Variants in DOCK4 observed in about 807,000 individuals in gnomAD.
DOCK4 encodes the protein dedicator of cytokinesis 4, also known as dedicator of cytokinesis protein 4.
In DOCK4, 97 loss-of-function variants were observed where a neutral mutation model predicts 268.1. That is an observed-to-expected ratio of 0.36 (90% CI 0.31 to 0.43). The LOEUF is 0.43. DOCK4 is among the 20% of genes least tolerant of loss of function. The pLI is 1.00. For missense variants in DOCK4, 2,145 were observed against 2,455.7 expected (o/e 0.87, Z 2.67); for synonymous variants, 954 against 887.2 (o/e 1.08, Z -1.34).
intron 1 of DOCK4, among the ~76,000 whole-genome samples, chr7:112,005,667 C>A (rs1171375932): frequency 6.6e-6 from 1 of 151,944 alleles, no homozygotes; most frequent in African/African-American, 2.4e-5. Flanking sequence ...CAAACTTATA[C>A]TCAGAATTGC....
intron 1 of DOCK4, among the ~76,000 whole-genome samples, chr7:112,005,191 G>C (rs1012248758): frequency 2.6e-5 from 4 of 152,190 alleles, no homozygotes; most frequent in African/African-American, 4.8e-5. Flanking sequence ...GTGAGATTTA[G>C]ATATAACTCC....
intron 1 of DOCK4, among the ~76,000 whole-genome samples, chr7:112,020,892 G>A (rs1802261077): frequency 6.6e-6 from 1 of 152,078 alleles, no homozygotes; most frequent in African/African-American, 2.4e-5. Context: ...AATTTCATTT[G>A]GGATTTCTCA....
intron 1 of DOCK4, among the ~76,000 whole-genome samples, chr7:112,180,276 T>C (rs1818908228): frequency 6.6e-6 from 1 of 152,046 alleles, no homozygotes; most frequent in East Asian, 1.9e-4. Flanking sequence ...TGGAGAACCT[T>C]GCTCTCCCAA....
chr7:111,824,014 CAT>C (rs1180627140), intron 26 of DOCK4, among the ~76,000 whole-genome samples: 2 of 152,196 alleles, frequency 1.3e-5, no homozygotes, highest in Non-Finnish European at 2.9e-5. Flanking sequence ...CATCAACACA[CAT>C]ATGTTGATAT....
At chr7:111,934,396 C>T (rs930397746) in intron 12 of DOCK4, among the ~76,000 whole-genome samples, 8 of 152,162 alleles carry the variant, frequency 5.3e-5, no homozygotes, top group African/African-American at 1.9e-4. Context: ...CATTTTTCTT[C>T]ACATGCCACT....
intron 1 of DOCK4, among the ~76,000 whole-genome samples, chr7:112,040,749 CA>C (rs201574358): frequency 0.022 from 3,257 of 148,596 alleles, 112 homozygotes; most frequent in African/African-American, 0.075. Flanking sequence ...CAGAGTGAAC[CA>C]AAAAAAAAGT....
chr7:112,191,754 T>G (rs1391250859), intron 1 of DOCK4, among the ~76,000 whole-genome samples: 1 of 151,938 alleles, frequency 6.6e-6, no homozygotes, highest in East Asian at 1.9e-4. Flanking sequence ...GTGGGTCCCC[T>G]GCAACAAATT....
Position 111,728,498 on chromosome 7 carries a change from C to A in DOCK4, c.5704G>T (p.Val1902Leu). The A allele has an allele frequency of 6.2e-7, 1 of 1,613,200 alleles. No homozygotes were observed. ...GGCGGAGTCTTGCTCTCCTTGCGCA[C>A]TGGCTCCTCCCCGCCGTAGCTCGGC... ...PVPSYGGEEP[V>L]RKESKTPPPY... Residue 1902 changes from valine to leucine, a missense_variant, in exon 53 of 53, where the codon GTG (valine) becomes TTG (leucine). Around this residue, in one of 2 missense-constraint regions of DOCK4, gnomAD observed 547 missense variants for 469.0 expected, o/e 1.17. Coordinates refer to ENST00000428084, the MANE Select transcript of DOCK4 (RefSeq NM_001363540.2).
intron 13 of DOCK4, among the ~76,000 whole-genome samples, chr7:111,911,684 T>C (rs1438681283): frequency 6.6e-6 from 1 of 152,158 alleles, no homozygotes; most frequent in African/African-American, 2.4e-5. Context: ...GCACAGCAGA[T>C]CCCAGACAAT....
At chr7:112,007,075 A>G (rs2135335719) in intron 1 of DOCK4, among the ~76,000 whole-genome samples, 1 of 152,342 alleles carries the variant, frequency 6.6e-6, no homozygotes, top group East Asian at 1.9e-4. Context: ...AGGTTAGGAC[A>G]TTAGAAGATT....
intron 8 of DOCK4, among the ~76,000 whole-genome samples, chr7:111,948,840 C>T (rs1185765073): frequency 6.6e-6 from 1 of 150,750 alleles, no homozygotes; most frequent in East Asian, 1.9e-4. Context: ...GGTGGCCTCC[C>T]AAAGTGCTGG....
At chr7:112,130,270 T>C (rs1033896620) in intron 1 of DOCK4, among the ~76,000 whole-genome samples, 2 of 152,152 alleles carry the variant, frequency 1.3e-5, no homozygotes, top group African/African-American at 4.8e-5. Flanking sequence ...GAGCCTGGAA[T>C]GAAGTGGGTA....
chr7:111,867,915 C>T, intron 22 of DOCK4, 69 bp downstream of exon 22: 1 of 1,326,498 alleles, frequency 7.5e-7, no homozygotes, highest in Non-Finnish European at 9.9e-7. Context: ...TTTGATTACG[C>T]TGCTGTGTAA....
chr7:111,892,148 T>C (rs1480827366), intron 16 of DOCK4, among the ~76,000 whole-genome samples: 1 of 152,226 alleles, frequency 6.6e-6, no homozygotes, highest in Admixed American at 6.5e-5. Flanking sequence ...TTCTCACCTG[T>C]AGATTATAAG....
intron 4 of DOCK4, among the ~76,000 whole-genome samples, chr7:111,996,261 TG>T (rs1263898044): frequency 1.3e-5 from 2 of 152,136 alleles, no homozygotes; most frequent in African/African-American, 4.8e-5. Flanking sequence ...AGAAGTTGAT[TG>T]GGGGTTGTCC....
At chr7:112,080,084 T>TA (rs528942680) in intron 1 of DOCK4, among the ~76,000 whole-genome samples, 2 of 152,092 alleles carry the variant, frequency 1.3e-5, no homozygotes, top group Admixed American at 6.5e-5. Context: ...TAGAAAAATT[T>TA]AAAAAAATAC....
At chr7:112,091,859 C>A (rs1228325784) in intron 1 of DOCK4, among the ~76,000 whole-genome samples, 2 of 152,176 alleles carry the variant, frequency 1.3e-5, no homozygotes, top group Non-Finnish European at 2.9e-5. Flanking sequence ...GTGTCAAACC[C>A]ATACAGCCTA....
At chr7:112,045,734 T>C (rs914697138) in intron 1 of DOCK4, among the ~76,000 whole-genome samples, 4 of 152,204 alleles carry the variant, frequency 2.6e-5, no homozygotes, top group African/African-American at 9.6e-5. Flanking sequence ...TCAAATGTCA[T>C]GGCTCTAAGT....
At chr7:111,932,793 A>G (rs1001577463) in intron 12 of DOCK4, among the ~76,000 whole-genome samples, 1 of 152,092 alleles carries the variant, frequency 6.6e-6, no homozygotes, top group Non-Finnish European at 1.5e-5. Flanking sequence ...CTAGTGGTAT[A>G]CTAGGTTCAT....
Sources: gnomAD v4.1 joint callset for allele counts (sites outside exome capture counted in the v4.1 genomes callset) on GRCh38, gnomAD v4.1.1 for gene constraint, gnomAD v4.1.1 regional missense constraint, MANE v1.5 for transcripts, NCBI Gene and HGNC (gene_info 2026-07-23, HGNC 2026-07-21) for gene names.